COL23A1: variants seen among roughly 807,000 people sequenced by gnomAD.
The protein encoded by COL23A1 is collagen alpha-1(XXIII) chain.
In COL23A1, 97 loss-of-function variants were observed where a neutral mutation model predicts 99.3. The ratio of observed to expected loss-of-function variants is 0.98; its 90% CI spans 0.83 to 1.16. The LOEUF (loss-of-function observed/expected upper bound fraction) is 1.16, where lower values mean the gene tolerates loss of function less well. Among genes scored for constraint, COL23A1 ranks in the 50% most tolerant of loss-of-function variants. The pLI is 0.00. For synonymous variants in COL23A1, 320 were observed against 308.2 expected, an observed-to-expected ratio of 1.04 and a Z score of -0.40; for missense variants, 762 against 757.4, an observed-to-expected ratio of 1.01 and a Z score of -0.07.
intron 2 of COL23A1, among the ~76,000 whole-genome samples, chr5:178,358,029 C>CGTATGTGTATGCGTATGT (rs1554145080): frequency 5.6e-5 from 6 of 107,916 alleles, no homozygotes; most frequent in African/African-American, 2.2e-4. Flanking sequence ...TGTGTGTATG[C>CGTATGTGTATGCGTATGT]GTATGTGTAT....
At chr5:178,386,875 A>T (rs1477886774) in intron 2 of COL23A1, among the ~76,000 whole-genome samples, 9 of 152,156 alleles carry the variant, frequency 5.9e-5, no homozygotes, top group Non-Finnish European at 1.3e-4. Flanking sequence ...CACTGGCTCT[A>T]TGCTGTGCCA....
chr5:178,473,512 C>T (rs1329972751), intron 2 of COL23A1, among the ~76,000 whole-genome samples: 2 of 142,058 alleles, frequency 1.4e-5, no homozygotes, highest in African/African-American at 5.3e-5. Flanking sequence ...TGGGGTTTTG[C>T]CATGTTGCCC....
intron 1 of COL23A1, among the ~76,000 whole-genome samples, chr5:178,568,631 T>A (rs898279418): frequency 6.6e-6 from 1 of 152,248 alleles, no homozygotes; most frequent in East Asian, 1.9e-4. Context: ...GTCTGCTTTG[T>A]TTCTGTGGGA....
rs549548012 is a variant in COL23A1 at position 178,280,225 on chromosome 5, C to T, written c.441+8099G>A. Among the ~76,000 whole-genome samples, 160 of 152,346 alleles carry T rather than the reference C, an allele frequency of 1.1e-3. 2 individuals carry two copies. In the South Asian group the frequency reaches 0.023, roughly 22 times the overall value. On this transcript the variant is annotated intron_variant, in intron 5 of 28. Coordinates refer to ENST00000390654, the MANE Select transcript of COL23A1 (RefSeq NM_173465.4). This position sits in a 1 kb window ranked among gnomAD's most constrained non-coding sequence, Gnocchi z 4.9. ...TCCCGCCCTCGGGCCACAGCCTGGG[C>T]GATCAGCCAGGACGCTGGCCATTGA...
intron 2 of COL23A1, among the ~76,000 whole-genome samples, chr5:178,338,510 C>T (rs970040485): frequency 1.4e-5 from 2 of 140,346 alleles, no homozygotes; most frequent in Admixed American, 1.4e-4. Flanking sequence ...GACAGCAGCG[C>T]AGCAGGTTGC....
At chr5:178,354,786 G>A (rs1342921377) in intron 2 of COL23A1, among the ~76,000 whole-genome samples, 1 of 152,128 alleles carries the variant, frequency 6.6e-6, no homozygotes, top group African/African-American at 2.4e-5. Flanking sequence ...GTTGGGTGTG[G>A]TGGCTCATGC....
intron 2 of COL23A1, among the ~76,000 whole-genome samples, chr5:178,451,470 A>G (rs60035259): frequency 0.09 from 13,634 of 152,066 alleles, 1,983 homozygotes; most frequent in African/African-American, 0.3. Flanking sequence ...AGCCTGGCCA[A>G]CATGGTGAAA....
chr5:178,369,080 G>A (rs769979662), intron 2 of COL23A1, among the ~76,000 whole-genome samples: 9 of 152,194 alleles, frequency 5.9e-5, no homozygotes, highest in South Asian at 4.1e-4. Context: ...TGCATCCGTC[G>A]GCCCCTTCTG....
chr5:178,293,721 G>A (rs1167534317), intron 3 of COL23A1, among the ~76,000 whole-genome samples: 1 of 151,980 alleles, frequency 6.6e-6, no homozygotes, highest in Non-Finnish European at 1.5e-5. Context: ...CCAGCTGGAG[G>A]GGTGAGGGGC....
rs1293028669 is a variant in COL23A1, at chr5:178,310,962, G to C, written c.362-4043C>G. On this transcript the variant is annotated intron_variant, in intron 2 of 28. Coordinates refer to ENST00000390654, the MANE Select transcript of COL23A1 (RefSeq NM_173465.4). The surrounding 1 kb of genome is among the most constrained non-coding windows in gnomAD (Gnocchi z 4.3). ...CTGCTCATGTGGAGAAGGGGAAACT[G>C]AGGCTGCAAGGGATAGGACAGGTCT... Among the ~76,000 whole-genome samples, 1 of 152,170 alleles carries C rather than the reference G, an allele frequency of 6.6e-6. No individual in the cohort carries two copies. The highest frequency in any genetic ancestry group is 1.5e-5 in the Non-Finnish European group (1 of 68,032).
intron 1 of COL23A1, among the ~76,000 whole-genome samples, chr5:178,584,912 T>C (rs967545351): frequency 5.9e-5 from 9 of 152,158 alleles, no homozygotes; most frequent in Middle Eastern, 3.2e-3. Flanking sequence ...ATTCTTTGCA[T>C]GTGCTATGAT....
chr5:178,398,942 T>TA (rs1764292684), intron 2 of COL23A1, among the ~76,000 whole-genome samples: 1 of 152,188 alleles, frequency 6.6e-6, no homozygotes, highest in Non-Finnish European at 1.5e-5. Flanking sequence ...CAGGCGCTGG[T>TA]AAACACACGG....
intron 2 of COL23A1, among the ~76,000 whole-genome samples, chr5:178,343,454 CAA>C (rs1760782886): frequency 1.3e-5 from 2 of 152,054 alleles, no homozygotes; most frequent in Admixed American, 1.3e-4. Flanking sequence ...GGTAAAAAGG[CAA>C]AGACTGTTGA....
rs1764205167 is a variant in COL23A1 at position 178,590,272 on chromosome 5, C to G, written c.-75G>C. ...AGAGGCTGGGTGCGAGAGGAGCAGGCGGGACAGCCCGAGGCACGAGGTCCG... is the reference window on the plus strand; with the variant it reads ...AGAGGCTGGGTGCGAGAGGAGCAGGGGGGACAGCCCGAGGCACGAGGTCCG... On this transcript the variant is annotated 5_prime_UTR_variant, in exon 1 of 29. Coordinates refer to ENST00000390654, the MANE Select transcript of COL23A1 (RefSeq NM_173465.4). The surrounding 1 kb of genome is among the most constrained non-coding windows in gnomAD (Gnocchi z 5.7). 1 of 1,154,228 alleles carries G rather than the reference C, an allele frequency of 8.7e-7. No individual in the cohort carries two copies. The highest frequency in any genetic ancestry group is 4.2e-5 in the South Asian group (1 of 23,782). The allele number at this position is 1,154,228 out of a possible 1,614,324, so 71.5% of individuals were successfully genotyped here. A position where few individuals can be genotyped will look rare whatever the true frequency, so the allele number is the denominator to read the frequency against.
chr5:178,487,189 G>C (rs897350419), intron 2 of COL23A1, among the ~76,000 whole-genome samples: 1 of 152,120 alleles, frequency 6.6e-6, no homozygotes, highest in Non-Finnish European at 1.5e-5. Context: ...GCTCCAGGCT[G>C]GGGCCAGGTC....
chr5:178,250,230 G>T, intron 17 of COL23A1, 125 bp from the exon 18 acceptor site: 1 of 1,000,624 alleles, frequency 1.0e-6, no homozygotes, highest in Non-Finnish European at 1.5e-6. Flanking sequence ...ACCTCTAGCT[G>T]TGCCAGGACC....
rs1562046613 is a variant in COL23A1 at position 178,518,561 on chromosome 5, A to ACCTCCCAGATGGGGCGGCGGGGCAGAGG, written c.361+42120_361+42121insCCTCTGCCCCGCCGCCCCATCTGGGAGG. On this transcript the variant is annotated intron_variant, in intron 2 of 28. Coordinates refer to ENST00000390654, the MANE Select transcript of COL23A1 (RefSeq NM_173465.4). ...TCTCAGACGGGGCGGCCGGGCAGAG[A>ACCTCCCAGATGGGGCGGCGGGGCAGAGG]CGCTCCTCACCTCCCAGATGGGGCG... Among the ~76,000 whole-genome samples the ACCTCCCAGATGGGGCGGCGGGGCAGAGG allele has an allele frequency of 2.9e-5, 4 of 136,004 alleles. No homozygotes were observed. The South Asian group carries it at 7.1e-4, about 24-fold the overall frequency. The allele number at this position is 136,004 out of a possible 152,430, so 89.2% of individuals were successfully genotyped here. A position where few individuals can be genotyped will look rare whatever the true frequency, so the allele number is the denominator to read the frequency against.
At chr5:178,580,145 T>C (rs1763586964) in intron 1 of COL23A1, among the ~76,000 whole-genome samples, 1 of 152,094 alleles carries the variant, frequency 6.6e-6, no homozygotes, top group Non-Finnish European at 1.5e-5. Flanking sequence ...CTGGCCAACA[T>C]GGTGAAACTC....
intron 2 of COL23A1, among the ~76,000 whole-genome samples, chr5:178,467,661 C>A (rs1382562931): frequency 6.6e-6 from 1 of 152,158 alleles, no homozygotes; most frequent in Non-Finnish European, 1.5e-5. Flanking sequence ...CACGGCACAC[C>A]CGCTTCGTGA....
Sources: gnomAD v4.1 joint callset for allele counts (sites outside exome capture counted in the v4.1 genomes callset) on GRCh38, gnomAD v4.1.1 for gene constraint, Gnocchi (gnomAD v3.1) non-coding constraint, MANE v1.5 for transcripts, NCBI Gene and HGNC (gene_info 2026-07-23, HGNC 2026-07-21) for gene names.